RASGRF2: variants seen among roughly 807,000 people sequenced by gnomAD.
RASGRF2 encodes ras-specific guanine nucleotide-releasing factor 2.
A neutral mutation model predicts 151.0 loss-of-function variants in RASGRF2; 76 were observed. The observed-to-expected ratio is 0.50, with a 90% CI of 0.42 to 0.61. The LOEUF is 0.61. RASGRF2 is among the 20% of genes least tolerant of loss of function. The pLI, the probability that RASGRF2 is intolerant of heterozygous loss-of-function variation, is 0.00. For missense variants in RASGRF2, 1,148 were observed against 1,564.6 expected (o/e 0.73, Z 4.49); for synonymous variants, 504 against 566.5 (o/e 0.89, Z 1.57).
At chr5:81,209,901 A>G (rs965237201) in intron 22 of RASGRF2, among the ~76,000 whole-genome samples, 1 of 151,754 alleles carries the variant, frequency 6.6e-6, no homozygotes, top group Admixed American at 6.6e-5. Context: ...CTCACCATAC[A>G]CTCACTCACC....
chr5:81,154,468 G>A (rs1014700865), intron 17 of RASGRF2, among the ~76,000 whole-genome samples: 2 of 152,222 alleles, frequency 1.3e-5, no homozygotes, highest in African/African-American at 2.4e-5. Context: ...GGTCTCAAGC[G>A]ATCCTCCCGC....
At chr5:81,143,441 C>T (rs996586841) in intron 17 of RASGRF2, among the ~76,000 whole-genome samples, 5 of 151,898 alleles carry the variant, frequency 3.3e-5, no homozygotes, top group African/African-American at 1.2e-4. Context: ...AGCCAACACA[C>T]CTGGCCTGAA....
chr5:81,222,279 T>C (rs193264451), intron 26 of RASGRF2, among the ~76,000 whole-genome samples: 2 of 152,320 alleles, frequency 1.3e-5, no homozygotes, highest in Admixed American at 1.3e-4. Context: ...TCTATTACCA[T>C]GTGAATCATT....
At chr5:81,206,812 C>A (rs1462007392) in intron 19 of RASGRF2, 33 bp from the exon 20 acceptor site, 2 of 1,569,276 alleles carry the variant, frequency 1.3e-6, no homozygotes, top group Non-Finnish European at 1.8e-6. Context: ...TCTATTTTTT[C>A]TTTCATGGAG....
intron 1 of RASGRF2, 111 bp from the exon 2 acceptor site, chr5:81,042,766 A>G (rs1268563414): frequency 1.4e-6 from 1 of 726,100 alleles, no homozygotes. Context: ...AAATTTGCAT[A>G]AGCACTGATG....
At chr5:81,031,948 T>G (rs1262961064) in intron 1 of RASGRF2, among the ~76,000 whole-genome samples, 2 of 151,618 alleles carry the variant, frequency 1.3e-5, no homozygotes, top group Non-Finnish European at 2.9e-5. Flanking sequence ...ATAGACACAA[T>G]AAAAAATGAT....
At chr5:81,074,445 A>C (rs973490948) in intron 5 of RASGRF2, among the ~76,000 whole-genome samples, 2 of 152,218 alleles carry the variant, frequency 1.3e-5, no homozygotes, top group Non-Finnish European at 2.9e-5. Context: ...AGCAGTTAGC[A>C]GTTGCACTGT....
chr5:81,101,575 A>C (rs1291744804), intron 12 of RASGRF2, among the ~76,000 whole-genome samples: 2 of 151,954 alleles, frequency 1.3e-5, no homozygotes, highest in East Asian at 1.9e-4. Context: ...ATTTTATATA[A>C]ATGTATCATA....
Position 81,229,533 on chromosome 5 carries a change from A to T in RASGRF2, c.*3763A>T, listed in dbSNP as rs1185636354. The T allele has an allele frequency of 6.6e-6, 1 of 152,236 alleles. No homozygotes were observed. Among genetic ancestry groups the T allele is most frequent in the Admixed American group, 6.5e-5 (1 of 15,288 alleles). The allele number at this position is 152,236 out of a possible 1,614,324, so 9.4% of individuals were successfully genotyped here. On this transcript the variant is annotated 3_prime_UTR_variant, in exon 27 of 27. Coordinates refer to ENST00000265080, the MANE Select transcript of RASGRF2 (RefSeq NM_006909.3). Reference sequence around the variant, plus strand: ...AACAGTCATTTTGTTGTAGGTATAAACACATGAACGATTCAGAAAATTATT... The same window carrying T: ...AACAGTCATTTTGTTGTAGGTATAATCACATGAACGATTCAGAAAATTATT...
chr5:81,112,448 TCCCCCAA>T (rs1753022759), intron 13 of RASGRF2, among the ~76,000 whole-genome samples, 155 bp from the exon 14 acceptor site: 1 of 151,878 alleles, frequency 6.6e-6, no homozygotes, highest in Admixed American at 6.6e-5. Flanking sequence ...AAGGCACCAA[TCCCCCAA>T]GAATACTGAG....
At chr5:81,162,800 G>C (rs1222543435) in intron 17 of RASGRF2, among the ~76,000 whole-genome samples, 1 of 152,200 alleles carries the variant, frequency 6.6e-6, no homozygotes, top group Non-Finnish European at 1.5e-5. Flanking sequence ...TTTGTCACGT[G>C]CTATCTATTA....
chr5:81,000,097 A>G (rs1212515313), intron 1 of RASGRF2, among the ~76,000 whole-genome samples: 1 of 152,180 alleles, frequency 6.6e-6, no homozygotes, highest in Non-Finnish European at 1.5e-5. Context: ...AACCACTTCC[A>G]AGGTGGCTTC....
At chr5:81,074,484 C>T (rs1331039301) in intron 5 of RASGRF2, among the ~76,000 whole-genome samples, 1 of 152,122 alleles carries the variant, frequency 6.6e-6, no homozygotes. Context: ...CCGATTCCCC[C>T]CACTTTCTAT....
intron 24 of RASGRF2, among the ~76,000 whole-genome samples, chr5:81,216,578 GTA>G (rs1755745167): frequency 6.6e-6 from 1 of 152,136 alleles, no homozygotes; most frequent in African/African-American, 2.4e-5. Flanking sequence ...AATTACCAAA[GTA>G]TTTACTAAAT....
chr5:81,063,295 G>A (rs1004349179), intron 2 of RASGRF2, among the ~76,000 whole-genome samples: 2 of 152,090 alleles, frequency 1.3e-5, no homozygotes, highest in African/African-American at 4.8e-5. Context: ...TGCCCAGGCT[G>A]GAGTGCAGTG....
intron 1 of RASGRF2, among the ~76,000 whole-genome samples, chr5:80,984,807 GATTATCC>G (rs1402779073): frequency 6.6e-6 from 1 of 152,130 alleles, no homozygotes; most frequent in African/African-American, 2.4e-5. Context: ...TTAAACTATG[GATTATCC>G]ACATAATTGT....
At position 81,026,187 on chromosome 5, in the gene RASGRF2, C is replaced by T. The variant is rs1015443346; in HGVS notation, c.289-16690C>T. Among the ~76,000 whole-genome samples the T allele has an allele frequency of 3.4e-4, 51 of 149,908 alleles. 1 individual carries two copies. The highest frequency in any genetic ancestry group is 1.2e-3 in the African/African-American group (49 of 40,590). ...CTCTTCCTCCCTTCCTCCCTTCCTTCCTTTTTCCTTCCTTTCTTCTTCCTC... is the reference window on the plus strand; with the variant it reads ...CTCTTCCTCCCTTCCTCCCTTCCTTTCTTTTTCCTTCCTTTCTTCTTCCTC... On this transcript the variant is annotated intron_variant, in intron 1 of 26. Transcript: ENST00000265080.
At position 81,139,961 on chromosome 5, in the gene RASGRF2, G is replaced by GTGCATACTATA. The variant is rs1753844886; in HGVS notation, c.2686+12798_2686+12799insTGCATACTATA. On this transcript the variant is annotated intron_variant, in intron 17 of 26. Transcript: ENST00000265080. ...TTCCTCCTAAGCCTCCTGAGTAGCT[G>GTGCATACTATA]GTACTATAGTTATGCACCACTAAAT... 3.3e-5 allele frequency among the ~76,000 whole-genome samples: 5 copies of GTGCATACTATA among 152,106 alleles called. No homozygotes were observed. The South Asian group carries it at 1.0e-3, about 32-fold the overall frequency.
chr5:81,169,385 G>C (rs933469750), intron 17 of RASGRF2, among the ~76,000 whole-genome samples: 1 of 152,160 alleles, frequency 6.6e-6, no homozygotes, highest in Admixed American at 6.5e-5. Flanking sequence ...AAACCAAGGT[G>C]TCATCAGGGC....
Sources: gnomAD v4.1 joint callset for allele counts (sites outside exome capture counted in the v4.1 genomes callset) on GRCh38, gnomAD v4.1.1 for gene constraint, MANE v1.5 for transcripts, NCBI Gene and HGNC (gene_info 2026-07-23, HGNC 2026-07-21) for gene names.